Variants in AFG2A observed in about 807,000 individuals in gnomAD.
AFG2A encodes AAA ATPase AFG2A.
At chr4:123,311,008 T>C in the AFG2A span, among the ~76,000 whole-genome samples, 1 of 152,188 alleles carries the variant, frequency 6.6e-6, no homozygotes, top group South Asian at 2.1e-4. Context: ...TGAGTACCCA[T>C]GTTTCTCTTT....
the AFG2A span, among the ~76,000 whole-genome samples, chr4:123,094,104 T>C: frequency 6.6e-6 from 1 of 152,102 alleles, no homozygotes; most frequent in Non-Finnish European, 1.5e-5. Context: ...GCAGTGGAGG[T>C]CCTTAACAAT....
the AFG2A span, among the ~76,000 whole-genome samples, chr4:123,209,634 C>T: frequency 1.7e-4 from 23 of 138,768 alleles, no homozygotes; most frequent in African/African-American, 4.6e-4. Context: ...GTCACCCAGG[C>T]TGGAGTGCAG....
At chr4:123,070,617 C>T in the AFG2A span, among the ~76,000 whole-genome samples, 2 of 152,156 alleles carry the variant, frequency 1.3e-5, no homozygotes, top group Non-Finnish European at 2.9e-5. Flanking sequence ...TACATGAGGG[C>T]TCCACCTTCA....
the AFG2A span, among the ~76,000 whole-genome samples, chr4:123,308,306 A>G: frequency 6.6e-6 from 1 of 152,322 alleles, no homozygotes; most frequent in Admixed American, 6.5e-5. Context: ...TTAGTTATTT[A>G]CTTTCTCTTC....
the AFG2A span, among the ~76,000 whole-genome samples, chr4:122,994,152 A>G: frequency 6.6e-6 from 1 of 152,050 alleles, no homozygotes; most frequent in Non-Finnish European, 1.5e-5. Context: ...GCACCTTTAG[A>G]TTTTCCATAT....
At chr4:122,936,836 C>G in the AFG2A span, among the ~76,000 whole-genome samples, 1 of 152,018 alleles carries the variant, frequency 6.6e-6, no homozygotes. Flanking sequence ...AAAAATTAGC[C>G]AGGTGTGGTG....
At chr4:123,116,027 G>A in the AFG2A span, among the ~76,000 whole-genome samples, 12 of 152,008 alleles carry the variant, frequency 7.9e-5, no homozygotes, top group Admixed American at 2.6e-4. Flanking sequence ...AGCCACCCAA[G>A]TAGCTGGGAC....
the AFG2A span, among the ~76,000 whole-genome samples, chr4:123,196,874 C>T: frequency 6.6e-6 from 1 of 152,024 alleles, no homozygotes. Context: ...ATCCAAAGCT[C>T]TCTGTTAAAC....
chr4:123,054,424 T>C, the AFG2A span, among the ~76,000 whole-genome samples: 1 of 152,186 alleles, frequency 6.6e-6, no homozygotes, highest in Admixed American at 6.5e-5. Context: ...ATCCTTTTTT[T>C]TTTTTATGAA....
At chr4:123,224,295 T>C in the AFG2A span, among the ~76,000 whole-genome samples, 1 of 152,284 alleles carries the variant, frequency 6.6e-6, no homozygotes, top group East Asian at 1.9e-4. Context: ...TGTGCCATGT[T>C]GGTGTGCTGC....
the AFG2A span, among the ~76,000 whole-genome samples, chr4:123,085,633 T>C: frequency 3.9e-5 from 1 of 25,594 alleles, no homozygotes. Flanking sequence ...TATAGTTAGG[T>C]CTTATTTTTT....
At chr4:123,028,660 A>G in the AFG2A span, among the ~76,000 whole-genome samples, 1 of 152,216 alleles carries the variant, frequency 6.6e-6, no homozygotes, top group Non-Finnish European at 1.5e-5. Context: ...CATGTGTAAC[A>G]GAAGCTAATC....
At chr4:123,228,514 T>C in the AFG2A span, among the ~76,000 whole-genome samples, 1 of 152,004 alleles carries the variant, frequency 6.6e-6, no homozygotes, top group African/African-American at 2.4e-5. Flanking sequence ...GGAAATGACA[T>C]ATTTCAAGTG....
the AFG2A span, among the ~76,000 whole-genome samples, chr4:123,060,521 C>T: frequency 3.3e-5 from 5 of 152,196 alleles, no homozygotes; most frequent in African/African-American, 4.8e-5. Flanking sequence ...GGGCTTGCAC[C>T]GTCTGAAGCC....
At chr4:122,955,781 T>A in the AFG2A span, among the ~76,000 whole-genome samples, 1 of 152,230 alleles carries the variant, frequency 6.6e-6, no homozygotes, top group African/African-American at 2.4e-5. Flanking sequence ...CTGCAGGTTA[T>A]GTAGACTATC....
At chr4:123,170,800 A>C in the AFG2A span, among the ~76,000 whole-genome samples, 5 of 152,198 alleles carry the variant, frequency 3.3e-5, no homozygotes, top group South Asian at 8.3e-4. Flanking sequence ...CTTTTTTCAA[A>C]ATTCAGTTTC....
At chr4:123,308,236 G>A in the AFG2A span, among the ~76,000 whole-genome samples, 1 of 152,176 alleles carries the variant, frequency 6.6e-6, no homozygotes, top group East Asian at 1.9e-4. Flanking sequence ...TAAATGCAGA[G>A]TAGTGCTCCA....
chr4:123,286,704 A>G, the AFG2A span, among the ~76,000 whole-genome samples: 3 of 152,134 alleles, frequency 2.0e-5, no homozygotes, highest in Non-Finnish European at 4.4e-5. Context: ...ATAAAAACCT[A>G]TAACTGCTTT....
chr4:123,249,960 T>C, the AFG2A span, among the ~76,000 whole-genome samples: 1 of 152,282 alleles, frequency 6.6e-6, no homozygotes, highest in South Asian at 2.1e-4. Context: ...AACTATTCTC[T>C]CCATGAATCA....
Sources: gnomAD v4.1 joint callset for allele counts (sites outside exome capture counted in the v4.1 genomes callset) on GRCh38, gnomAD v4.1.1 for gene constraint, MANE v1.5 for transcripts, NCBI Gene and HGNC (gene_info 2026-07-23, HGNC 2026-07-21) for gene names.